The following DLGAP1 variants were observed in gnomAD, a reference collection of about 807,000 sequenced individuals.
DLGAP1 encodes the protein disks large-associated protein 1.
DLGAP1 carries 11 observed loss-of-function variants against 90.8 expected under a neutral mutation model. That is an observed-to-expected ratio of 0.12 (90% CI 0.08 to 0.20). DLGAP1 has a LOEUF of 0.20. Ranked by LOEUF, DLGAP1 falls within the 10% of genes least tolerant of loss-of-function variation. The pLI, the probability that DLGAP1 is intolerant of heterozygous loss-of-function variation, is 1.00. For synonymous variants in DLGAP1, 558 were observed against 540.7 expected (o/e 1.03, Z -0.44); for missense variants, 1,050 against 1,333.8 (o/e 0.79, Z 3.31).
At chr18:4,396,782 G>A (rs1430682827) in intron 1 of DLGAP1, among the ~76,000 whole-genome samples, 1 of 152,240 alleles carries the variant, frequency 6.6e-6, no homozygotes, top group Non-Finnish European at 1.5e-5. Context: ...TGGAGAGGGT[G>A]AGCATGCTGG....
intron 2 of DLGAP1, among the ~76,000 whole-genome samples, chr18:4,115,373 G>A (rs1421918887): frequency 6.6e-6 from 1 of 151,292 alleles, no homozygotes; most frequent in East Asian, 1.9e-4. Flanking sequence ...AAAGAAAGAA[G>A]AGGAAGTACG....
chr18:3,827,588 C>T (rs2067790246), intron 4 of DLGAP1, among the ~76,000 whole-genome samples: 1 of 152,150 alleles, frequency 6.6e-6, no homozygotes, highest in East Asian at 1.9e-4. Flanking sequence ...CTTTTGTTTT[C>T]TTCTTTTTCT....
chr18:3,957,112 T>G (rs2073099832), intron 3 of DLGAP1, among the ~76,000 whole-genome samples: 1 of 152,198 alleles, frequency 6.6e-6, no homozygotes, highest in Admixed American at 6.5e-5. Flanking sequence ...TCTCGAGATG[T>G]GGAGATTATC....
rs147906287 is a variant in DLGAP1 at position 3,647,519 on chromosome 18, G to A, written c.1592-65271C>T. ...CTTGCTCTGTCACCCAGGCTGAAGTGTAATGGCACGATCTTGGCTCACTGC... is the reference window on the plus strand; with the variant it reads ...CTTGCTCTGTCACCCAGGCTGAAGTATAATGGCACGATCTTGGCTCACTGC... On this transcript the variant is annotated intron_variant, in intron 7 of 12. Coordinates refer to ENST00000315677, the MANE Select transcript of DLGAP1 (RefSeq NM_004746.4). 2.3e-3 allele frequency among the ~76,000 whole-genome samples: 349 copies of A among 150,220 alleles called. 1 individual carries two copies. Among genetic ancestry groups the A allele is most frequent in the African/African-American group, 8.1e-3 (332 of 40,810 alleles).
At chr18:4,066,510 A>G (rs1243004093) in intron 2 of DLGAP1, among the ~76,000 whole-genome samples, 1 of 152,136 alleles carries the variant, frequency 6.6e-6, no homozygotes, top group Non-Finnish European at 1.5e-5. Context: ...AAAAGTGGGC[A>G]AAAGACATGA....
At chr18:4,277,593 T>C (rs964259382) in intron 1 of DLGAP1, among the ~76,000 whole-genome samples, 6 of 152,230 alleles carry the variant, frequency 3.9e-5, no homozygotes, top group Non-Finnish European at 2.9e-5. Context: ...AAGGAAACTT[T>C]AAAGTTCCCT....
chr18:3,856,535 C>T (rs1006398966), intron 4 of DLGAP1, among the ~76,000 whole-genome samples: 2 of 152,018 alleles, frequency 1.3e-5, no homozygotes, highest in African/African-American at 4.8e-5. Context: ...CAGAAGAAAC[C>T]TATTACTAAT....
intron 4 of DLGAP1, among the ~76,000 whole-genome samples, chr18:3,878,786 T>C (rs1218906436): frequency 1.3e-5 from 2 of 152,232 alleles, no homozygotes; most frequent in Non-Finnish European, 2.9e-5. Context: ...TTTAAAATTC[T>C]CTGTAGACTT....
Position 3,819,030 on chromosome 18 carries a change from G to A in DLGAP1, c.958-4757C>T, listed in dbSNP as rs2067252502. 3.9e-5 allele frequency among the ~76,000 whole-genome samples: 6 copies of A among 151,984 alleles called. No individual in the cohort carries two copies. The South Asian group carries it at 1.0e-3, about 26-fold the overall frequency. On this transcript the variant is annotated intron_variant, in intron 4 of 12. Coordinates refer to ENST00000315677, the MANE Select transcript of DLGAP1 (RefSeq NM_004746.4). Reference sequence around the variant, plus strand: ...AAACTCAGTTGAAAGAGGAACACACGGCCGGACGCGGTGGCTCATGCCTGT... The same window carrying A: ...AAACTCAGTTGAAAGAGGAACACACAGCCGGACGCGGTGGCTCATGCCTGT...
Position 3,742,455 on chromosome 18 carries a change from T to A in DLGAP1, c.1230A>T (p.Ala410=), listed in dbSNP as rs764292324. The change falls in exon 6 of 13, where the codon GCA becomes GCT. Residue 410 remains alanine, a synonymous_variant. Coordinates refer to ENST00000315677, the MANE Select transcript of DLGAP1 (RefSeq NM_004746.4). ...TCCGGTTGATGGAGACTTCACTCACTGCCCTCAGGTAACTATGACTCCGGA... is the reference window on the plus strand; with the variant it reads ...TCCGGTTGATGGAGACTTCACTCACAGCCCTCAGGTAACTATGACTCCGGA... ...LQIRSHSYLR[A]VSEVSINRSL... 6.2e-7 allele frequency: 1 copy of A among 1,614,062 alleles called. No homozygotes were observed. Among genetic ancestry groups the A allele is most frequent in the Admixed American group, 1.7e-5 (1 of 59,990 alleles).
chr18:4,407,554 G>A (rs2082688142), intron 1 of DLGAP1, among the ~76,000 whole-genome samples: 2 of 152,088 alleles, frequency 1.3e-5, no homozygotes, highest in Non-Finnish European at 2.9e-5. Flanking sequence ...TCTGGGTCTC[G>A]GCAAATCCCT....
intron 1 of DLGAP1, among the ~76,000 whole-genome samples, chr18:4,296,356 A>G (rs1460284413): frequency 2.0e-5 from 3 of 152,200 alleles, no homozygotes. Flanking sequence ...AGGAGAAGTG[A>G]CAAAGTAGAT....
intron 2 of DLGAP1, among the ~76,000 whole-genome samples, chr18:4,059,533 G>T (rs2075269968): frequency 6.6e-6 from 1 of 152,150 alleles, no homozygotes; most frequent in Non-Finnish European, 1.5e-5. Flanking sequence ...CCAACATGGA[G>T]AAACCCTGTC....
chr18:4,041,017 C>A (rs575242747), intron 2 of DLGAP1, among the ~76,000 whole-genome samples: 1 of 152,180 alleles, frequency 6.6e-6, no homozygotes, highest in Admixed American at 6.5e-5. Flanking sequence ...CTCATTTCCA[C>A]GCCCTTGGTA....
intron 4 of DLGAP1, among the ~76,000 whole-genome samples, chr18:3,858,385 T>C (rs1175759326): frequency 6.6e-6 from 1 of 151,930 alleles, no homozygotes; most frequent in African/African-American, 2.4e-5. Flanking sequence ...AACTTTGTAT[T>C]CCCAGCCTTT....
chr18:3,555,315 G>A (rs1394789936), intron 9 of DLGAP1, among the ~76,000 whole-genome samples: 1 of 152,084 alleles, frequency 6.6e-6, no homozygotes, highest in African/African-American at 2.4e-5. Context: ...GGAAAGCTAA[G>A]TACTAAAATT....
intron 4 of DLGAP1, among the ~76,000 whole-genome samples, chr18:3,822,832 C>A (rs1029258646): frequency 6.6e-6 from 1 of 152,080 alleles, no homozygotes; most frequent in Non-Finnish European, 1.5e-5. Flanking sequence ...AAGACACTCT[C>A]GTGATATCAC....
intron 1 of DLGAP1, among the ~76,000 whole-genome samples, chr18:4,417,824 C>T (rs758783316): frequency 7.9e-5 from 12 of 152,080 alleles, no homozygotes; most frequent in South Asian, 2.1e-4. Flanking sequence ...ACTTCAATAT[C>T]GAGGGATACA....
intron 2 of DLGAP1, among the ~76,000 whole-genome samples, chr18:4,006,291 G>A (rs2074299278): frequency 6.6e-6 from 1 of 152,138 alleles, no homozygotes; most frequent in African/African-American, 2.4e-5. Flanking sequence ...AACTGTGTTT[G>A]AAAGAACAGA....
Sources: gnomAD v4.1 joint callset for allele counts (sites outside exome capture counted in the v4.1 genomes callset) on GRCh38, gnomAD v4.1.1 for gene constraint, MANE v1.5 for transcripts, NCBI Gene and HGNC (gene_info 2026-07-23, HGNC 2026-07-21) for gene names.